The following AKAP19 variants were observed in gnomAD, a reference collection of about 807,000 sequenced individuals.
The protein encoded by AKAP19 is A-kinase anchoring protein 19, also known as small A-kinase anchoring protein.
chr2:190,122,922 A>G, the AKAP19 span, among the ~76,000 whole-genome samples: 1 of 151,136 alleles, frequency 6.6e-6, no homozygotes, highest in African/African-American at 2.4e-5. Context: ...CTATCTTCCT[A>G]CTTTGGCCTC....
the AKAP19 span, chr2:189,930,930 G>A: frequency 4.2e-6 from 3 of 716,040 alleles, no homozygotes; most frequent in South Asian, 3.2e-5. Flanking sequence ...TAGTTCCCTC[G>A]CTAAAGCTAG....
chr2:190,138,415 T>C, the AKAP19 span, among the ~76,000 whole-genome samples: 1 of 152,242 alleles, frequency 6.6e-6, no homozygotes, highest in East Asian at 1.9e-4. Context: ...TAATACTGTT[T>C]GAGTACTTCC....
the AKAP19 span, among the ~76,000 whole-genome samples, chr2:190,034,361 C>T: frequency 6.6e-6 from 1 of 150,776 alleles, no homozygotes; most frequent in Non-Finnish European, 1.5e-5. Context: ...TCAATGATGG[C>T]CTTTAAGATA....
chr2:190,050,300 T>C, the AKAP19 span, among the ~76,000 whole-genome samples: 1 of 152,368 alleles, frequency 6.6e-6, no homozygotes, highest in Non-Finnish European at 1.5e-5. Context: ...CAGCTATTTG[T>C]TATAAAATAT....
the AKAP19 span, among the ~76,000 whole-genome samples, chr2:190,195,276 C>T: frequency 1.3e-5 from 2 of 152,198 alleles, no homozygotes; most frequent in Admixed American, 6.5e-5. Context: ...AATAAAGCTG[C>T]TACAGACATC....
chr2:190,164,928 A>G, the AKAP19 span, among the ~76,000 whole-genome samples: 11 of 152,176 alleles, frequency 7.2e-5, no homozygotes, highest in African/African-American at 2.7e-4. Context: ...CATGTGCATG[A>G]TTTTTGTTGG....
chr2:190,146,172 G>A, the AKAP19 span, among the ~76,000 whole-genome samples: 10 of 151,780 alleles, frequency 6.6e-5, no homozygotes, highest in African/African-American at 9.7e-5. Context: ...CTTCCCCCAG[G>A]TCCCCAAAGT....
chr2:190,022,290 T>C, the AKAP19 span, among the ~76,000 whole-genome samples: 1 of 152,164 alleles, frequency 6.6e-6, no homozygotes. Flanking sequence ...ATGACTGATA[T>C]GCAAAAGATC....
At chr2:189,982,983 G>A in the AKAP19 span, among the ~76,000 whole-genome samples, 3 of 152,248 alleles carry the variant, frequency 2.0e-5, no homozygotes, top group East Asian at 5.8e-4. Flanking sequence ...CTGTAATCCA[G>A]TAGATGGCAC....
At chr2:190,102,034 A>G in the AKAP19 span, among the ~76,000 whole-genome samples, 1 of 152,224 alleles carries the variant, frequency 6.6e-6, no homozygotes, top group African/African-American at 2.4e-5. Flanking sequence ...AACAGAAATC[A>G]ATACAAAGAA....
the AKAP19 span, among the ~76,000 whole-genome samples, chr2:190,104,613 G>T: frequency 2.6e-5 from 4 of 152,002 alleles, no homozygotes; most frequent in African/African-American, 9.7e-5. Flanking sequence ...AACATGGCAA[G>T]ACCCCTTCTC....
the AKAP19 span, among the ~76,000 whole-genome samples, chr2:190,022,664 C>T: frequency 6.6e-6 from 1 of 152,032 alleles, no homozygotes; most frequent in Non-Finnish European, 1.5e-5. Flanking sequence ...CTTATGCATA[C>T]AGGAAATATT....
chr2:190,026,830 A>G, the AKAP19 span, among the ~76,000 whole-genome samples: 1 of 152,148 alleles, frequency 6.6e-6, no homozygotes, highest in Non-Finnish European at 1.5e-5. Flanking sequence ...AGTAAAGATT[A>G]TTGAATTAAA....
chr2:190,065,249 A>G, the AKAP19 span, among the ~76,000 whole-genome samples: 3 of 152,188 alleles, frequency 2.0e-5, no homozygotes, highest in African/African-American at 7.2e-5. Flanking sequence ...AATCACAGGA[A>G]AGCTGCAATG....
chr2:189,986,808 A>C, the AKAP19 span, among the ~76,000 whole-genome samples: 1 of 152,146 alleles, frequency 6.6e-6, no homozygotes, highest in Non-Finnish European at 1.5e-5. Context: ...ACTATGGCTC[A>C]AAACCTTTCC....
At chr2:189,936,323 AT>A in the AKAP19 span, among the ~76,000 whole-genome samples, 1 of 151,944 alleles carries the variant, frequency 6.6e-6, no homozygotes, top group Non-Finnish European at 1.5e-5. Context: ...GCAGTGCATT[AT>A]TGTTATAACT....
chr2:190,041,149 C>T, the AKAP19 span, among the ~76,000 whole-genome samples: 1 of 152,274 alleles, frequency 6.6e-6, no homozygotes, highest in East Asian at 1.9e-4. Context: ...CCTTCCTACC[C>T]ATGAGCATGG....
the AKAP19 span, among the ~76,000 whole-genome samples, chr2:189,956,177 C>CTTTTTTTTTTT: frequency 7.3e-5 from 9 of 122,950 alleles, no homozygotes; most frequent in African/African-American, 1.9e-4. Flanking sequence ...TCTTTTTTTT[C>CTTTTTTTTTTT]TTTTTTTTTT....
chr2:189,996,383 T>C, the AKAP19 span, among the ~76,000 whole-genome samples: 651 of 152,332 alleles, frequency 4.3e-3, 4 homozygotes, highest in African/African-American at 0.015. Context: ...TTCTAGTCTA[T>C]TGTTGACACT....
Sources: allele counts gnomAD v4.1 joint callset (sites outside exome capture counted in the v4.1 genomes callset), GRCh38; gene constraint gnomAD v4.1.1; transcripts MANE v1.5; gene names NCBI Gene and HGNC (gene_info 2026-07-23, HGNC 2026-07-21).